Variants in SOX6 observed in about 807,000 individuals in gnomAD.
SOX6 encodes the protein transcription factor SOX-6.
A neutral mutation model predicts 97.8 loss-of-function variants in SOX6; 11 were observed. That is an observed-to-expected ratio of 0.11 (90% confidence interval 0.07 to 0.19). The LOEUF is 0.19. Ranked by LOEUF, SOX6 falls within the 10% of genes least tolerant of loss-of-function variation. The pLI is 1.00. For missense variants in SOX6, 810 were observed against 1,039.5 expected, an observed-to-expected ratio of 0.78 and a Z score of 3.04; for synonymous variants, 360 against 371.4, an observed-to-expected ratio of 0.97 and a Z score of 0.35.
chr11:16,723,152 A>T (rs536484749), intron 2 of SOX6, among the ~76,000 whole-genome samples: 8 of 152,350 alleles, frequency 5.3e-5, no homozygotes, highest in Non-Finnish European at 1.2e-4. Flanking sequence ...GTCATAAAAA[A>T]GGATGAGATC....
chr11:16,115,056 T>C (rs920428180), intron 6 of SOX6, among the ~76,000 whole-genome samples: 8 of 152,188 alleles, frequency 5.3e-5, no homozygotes, highest in Non-Finnish European at 1.2e-4. Context: ...TTCATCACAC[T>C]CTGCAAAGAA....
At chr11:16,020,714 T>C (rs12099378) in intron 12 of SOX6, among the ~76,000 whole-genome samples, 1,757 of 152,236 alleles carry the variant, frequency 0.012, 32 homozygotes, top group African/African-American at 0.039. Context: ...ATACAAAAAG[T>C]CTTAGTTTTG....
intron 1 of SOX6, among the ~76,000 whole-genome samples, chr11:16,420,222 A>T (rs1443649965): frequency 6.6e-6 from 1 of 152,196 alleles, no homozygotes; most frequent in Non-Finnish European, 1.5e-5. Flanking sequence ...AAAAATGACT[A>T]AGACTGATGT....
chr11:16,133,427 C>G (rs1849873096), intron 6 of SOX6, among the ~76,000 whole-genome samples: 1 of 152,124 alleles, frequency 6.6e-6, no homozygotes. Flanking sequence ...CTCTGAGGAA[C>G]AGAGCTGGGT....
intron 4 of SOX6, among the ~76,000 whole-genome samples, chr11:16,495,575 G>A (rs1352504860): frequency 6.6e-6 from 1 of 152,130 alleles, no homozygotes; most frequent in African/African-American, 2.4e-5. Flanking sequence ...TGCCACCTGT[G>A]GTTCAAGGAC....
chr11:16,345,402 C>G (rs1856750146), intron 1 of SOX6, among the ~76,000 whole-genome samples: 1 of 151,974 alleles, frequency 6.6e-6, no homozygotes, highest in Non-Finnish European at 1.5e-5. Context: ...AGTGAACTCC[C>G]AGGATGCCAG....
chr11:16,056,553 A>G (rs1322628090), intron 9 of SOX6, among the ~76,000 whole-genome samples: 1 of 152,184 alleles, frequency 6.6e-6, no homozygotes, highest in Non-Finnish European at 1.5e-5. Flanking sequence ...AACCCAAACC[A>G]GGTAACAAAG....
At chr11:16,201,225 G>A (rs1851928415) in intron 4 of SOX6, among the ~76,000 whole-genome samples, 1 of 151,926 alleles carries the variant, frequency 6.6e-6, no homozygotes, top group African/African-American at 2.4e-5. Flanking sequence ...TAATTATTAT[G>A]TCAAGAACAC....
At chr11:16,602,926 C>T (rs1466986444) in intron 4 of SOX6, among the ~76,000 whole-genome samples, 1 of 151,886 alleles carries the variant, frequency 6.6e-6, no homozygotes, top group Non-Finnish European at 1.5e-5. Flanking sequence ...GAGACTGAGG[C>T]GGAAGAATCG....
intron 4 of SOX6, among the ~76,000 whole-genome samples, chr11:16,594,909 T>C (rs894275294): frequency 6.6e-6 from 1 of 152,084 alleles, no homozygotes; most frequent in Non-Finnish European, 1.5e-5. Flanking sequence ...GCCAGGATGG[T>C]CTCAATCTCA....
intron 4 of SOX6, among the ~76,000 whole-genome samples, chr11:16,493,747 A>C (rs1174443747): frequency 6.6e-6 from 1 of 152,208 alleles, no homozygotes; most frequent in Non-Finnish European, 1.5e-5. Context: ...AAACAACGAG[A>C]TGTCAGTTTT....
At chr11:16,444,524 C>A (rs915166201) in intron 1 of SOX6, among the ~76,000 whole-genome samples, 1 of 152,118 alleles carries the variant, frequency 6.6e-6, no homozygotes, top group Admixed American at 6.6e-5. Context: ...AAAATGTTAA[C>A]CTTTACATAA....
intron 9 of SOX6, among the ~76,000 whole-genome samples, chr11:16,081,315 C>T (rs376200820): frequency 1.1e-3 from 167 of 152,148 alleles, no homozygotes; most frequent in African/African-American, 3.8e-3. Flanking sequence ...AAATGCACCA[C>T]TTCTCTGGAA....
intron 4 of SOX6, among the ~76,000 whole-genome samples, chr11:16,538,775 C>G (rs1052529645): frequency 6.6e-6 from 1 of 152,208 alleles, no homozygotes; most frequent in Non-Finnish European, 1.5e-5. Context: ...GAAGAGCTAA[C>G]TATCCTAAAT....
intron 13 of SOX6, among the ~76,000 whole-genome samples, chr11:15,997,594 A>G (rs1854264431): frequency 6.6e-6 from 1 of 152,232 alleles, no homozygotes; most frequent in African/African-American, 2.4e-5. Flanking sequence ...GATAATCACA[A>G]TAGATTCAGA....
chr11:16,538,890 C>T (rs907149148), intron 4 of SOX6, among the ~76,000 whole-genome samples: 5 of 152,188 alleles, frequency 3.3e-5, no homozygotes, highest in African/African-American at 1.2e-4. Context: ...ACTTTAACAC[C>T]CCACTGTCAA....
chr11:16,010,539 T>A (rs928741930), intron 13 of SOX6, among the ~76,000 whole-genome samples: 1 of 152,004 alleles, frequency 6.6e-6, no homozygotes, highest in African/African-American at 2.4e-5. Flanking sequence ...GAATGTTTTC[T>A]TACTCAAACC....
intron 4 of SOX6, among the ~76,000 whole-genome samples, chr11:16,583,638 C>T (rs373636803): frequency 0.19 from 19,771 of 102,718 alleles, 2,195 homozygotes; most frequent in African/African-American, 0.28. Context: ...TATATATATA[C>T]ACATACACAC....
intron 11 of SOX6, among the ~76,000 whole-genome samples, chr11:16,047,160 GA>G (rs760762160): frequency 6.6e-6 from 1 of 152,076 alleles, no homozygotes; most frequent in East Asian, 1.9e-4. Flanking sequence ...CTGGCCCGCA[GA>G]AAAAATAAAA....
Sources: gnomAD v4.1 joint callset for allele counts (sites outside exome capture counted in the v4.1 genomes callset) on GRCh38, gnomAD v4.1.1 for gene constraint, MANE v1.5 for transcripts, NCBI Gene and HGNC (gene_info 2026-07-23, HGNC 2026-07-21) for gene names.